Variants in TGM6 observed in about 807,000 individuals in gnomAD.
The protein encoded by TGM6 is protein-glutamine gamma-glutamyltransferase 6.
In TGM6, 74 loss-of-function variants were observed where a neutral mutation model predicts 77.5. The observed-to-expected ratio is 0.96, with a 90% CI of 0.79 to 1.16. TGM6 has a LOEUF of 1.16. TGM6 is among the 50% of genes most tolerant of loss of function. The pLI, the probability that TGM6 is intolerant of heterozygous loss-of-function variation, is 0.00. For synonymous variants in TGM6, 383 were observed against 378.9 expected, an observed-to-expected ratio of 1.01 and a Z score of -0.12; for missense variants, 968 against 940.2, an observed-to-expected ratio of 1.03 and a Z score of -0.39.
chr20:2,388,855 G>A (rs2422768), intron 1 of TGM6, among the ~76,000 whole-genome samples: 117,874 of 152,200 alleles, frequency 0.77, 46,178 homozygotes, highest in African/African-American at 0.83. Flanking sequence ...ATAAGATACA[G>A]CCAAGAGTTG....
At chr20:2,394,744 G>A in intron 2 of TGM6, 119 bp downstream of exon 2, 1 of 1,209,548 alleles carries the variant, frequency 8.3e-7, no homozygotes, top group South Asian at 1.3e-5. Flanking sequence ...AGTCACTGTA[G>A]GTAGACGGAG....
chr20:2,403,361 C>T (rs1387612853), intron 7 of TGM6, 36 bp from the exon 8 acceptor site: 1 of 1,612,196 alleles, frequency 6.2e-7, no homozygotes, highest in Admixed American at 1.7e-5. Flanking sequence ...TATGCCCTCA[C>T]TCTAGGCAGC....
In TGM6 at chr20:2,406,850, A is replaced by C. The variant is rs1442093888; in HGVS notation, c.1336+3027A>C. ...ACTCCTCAAAAAAAAAAAAAAAAAAAAAAAAAAAAAAAAAAACCATGGCCA... is the reference window on the plus strand; with the variant it reads ...ACTCCTCAAAAAAAAAAAAAAAAAACAAAAAAAAAAAAAAAACCATGGCCA... On this transcript the variant is annotated intron_variant, in intron 9 of 12. Coordinates refer to ENST00000202625, the MANE Select transcript of TGM6 (RefSeq NM_198994.3). Among the ~76,000 whole-genome samples the C allele has an allele frequency of 1.4e-3, 208 of 147,054 alleles. 11 individuals are homozygous for C. The highest frequency in any genetic ancestry group is 7.8e-3 in the East Asian group (40 of 5,118).
At position 2,384,106 on chromosome 20, in the gene TGM6, CAAAAAA is replaced by C. The variant is rs35843804; in HGVS notation, c.7+3147_7+3152del. On this transcript the variant is annotated intron_variant, in intron 1 of 12. Transcript: ENST00000202625. ...TGGGCGACAGAGTGAGACTCCGTCTCAAAAAAAAAAAAAAAAAAAAATCCCTGTTCG... is the reference window on the plus strand; with the variant it reads ...TGGGCGACAGAGTGAGACTCCGTCTCAAAAAAAAAAAAAAATCCCTGTTCG... 9.5e-5 allele frequency among the ~76,000 whole-genome samples: 8 copies of C among 84,614 alleles called. No homozygotes were observed. In the South Asian group the frequency reaches 2.8e-3, roughly 30 times the overall value. The allele number at this position is 84,614 out of a possible 152,430, so 55.5% of individuals were successfully genotyped here.
Position 2,390,445 on chromosome 20 carries a change from C to G in TGM6, c.8-4007C>G, listed in dbSNP as rs182946700. On this transcript the variant is annotated intron_variant, in intron 1 of 12. Coordinates refer to ENST00000202625, the MANE Select transcript of TGM6 (RefSeq NM_198994.3). ...AGCCAGGATGCCCACAGACTCCACT[C>G]CAGCCCTTGCTTGTTTGTGTGCCCT... Among the ~76,000 whole-genome samples, 276 of 152,332 alleles carry G rather than the reference C, an allele frequency of 1.8e-3. 2 individuals carry two copies. Among genetic ancestry groups the G allele is most frequent in the Non-Finnish European group, 9.1e-4 (62 of 68,022 alleles).
At chr20:2,406,571 C>A (rs2084751850) in intron 9 of TGM6, among the ~76,000 whole-genome samples, 1 of 151,384 alleles carries the variant, frequency 6.6e-6, no homozygotes, top group African/African-American at 2.4e-5. Flanking sequence ...TGCAGTGGCT[C>A]ACACCTATAA....
chr20:2,425,581 A>C (rs948243665), intron 10 of TGM6, among the ~76,000 whole-genome samples: 1 of 152,140 alleles, frequency 6.6e-6, no homozygotes, highest in African/African-American at 2.4e-5. Context: ...GTAAATCTTA[A>C]AGGTACCTGA....
At chr20:2,400,838 C>T (rs1486745529) in intron 7 of TGM6, among the ~76,000 whole-genome samples, 2 of 152,082 alleles carry the variant, frequency 1.3e-5, no homozygotes, top group Non-Finnish European at 1.5e-5. Flanking sequence ...GAAACAGACT[C>T]CTTCCTTAGC....
chr20:2,401,127 C>T (rs2084706144), intron 7 of TGM6, among the ~76,000 whole-genome samples: 1 of 152,062 alleles, frequency 6.6e-6, no homozygotes, highest in African/African-American at 2.4e-5. Flanking sequence ...ATCGCTTGAA[C>T]CTGGAAGGCA....
In TGM6 at chr20:2,403,416, G is replaced by A. The variant is rs1452133326; in HGVS notation, c.1009G>A (p.Glu337Lys). The A allele has an allele frequency of 1.9e-6, 3 of 1,614,074 alleles. No homozygotes were observed. The East Asian group carries it at 6.7e-5, about 36-fold the overall frequency. ...DSMWNFHVWN[E>K]SWFARQDLGP... Reference sequence around the variant, plus strand: ...TGGCAGGAATTTCCATGTCTGGAATGAGAGCTGGTTTGCCCGGCAGGACCT... The same window carrying A: ...TGGCAGGAATTTCCATGTCTGGAATAAGAGCTGGTTTGCCCGGCAGGACCT... The change falls in exon 8 of 13, where the codon GAG becomes AAG. Residue 337 changes from glutamate (E) to lysine (K), a missense_variant. Transcript: ENST00000202625.
intron 10 of TGM6, among the ~76,000 whole-genome samples, chr20:2,428,212 T>C (rs1287748861): frequency 6.6e-6 from 1 of 152,210 alleles, no homozygotes; most frequent in Non-Finnish European, 1.5e-5. Flanking sequence ...CCTGCTGTTG[T>C]TGGATGAAAT....
intron 10 of TGM6, among the ~76,000 whole-genome samples, chr20:2,429,595 C>T (rs1415005987): frequency 6.6e-6 from 1 of 151,924 alleles, no homozygotes; most frequent in South Asian, 2.1e-4. Context: ...ATGGTGAAAC[C>T]CCATCTCTAC....
chr20:2,419,001 C>A (rs928129444), intron 10 of TGM6, among the ~76,000 whole-genome samples: 12 of 152,326 alleles, frequency 7.9e-5, no homozygotes, highest in Admixed American at 5.9e-4. Flanking sequence ...CACTTGAACC[C>A]AGGAAGCGGA....
intron 1 of TGM6, 48 bp from the exon 2 acceptor site, chr20:2,394,404 G>A: frequency 6.2e-7 from 1 of 1,604,340 alleles, no homozygotes; most frequent in Non-Finnish European, 8.5e-7. Flanking sequence ...CAGAGTGGGT[G>A]AGAAACAGGA....
chr20:2,385,287 G>A (rs1331113147), intron 1 of TGM6, among the ~76,000 whole-genome samples: 7 of 152,078 alleles, frequency 4.6e-5, no homozygotes. Flanking sequence ...CAGGGAAGAG[G>A]GACAACCAGT....
intron 10 of TGM6, among the ~76,000 whole-genome samples, chr20:2,427,362 T>C (rs1443822178): frequency 6.6e-6 from 1 of 152,200 alleles, no homozygotes; most frequent in East Asian, 1.9e-4. Flanking sequence ...ATCCTTTTAA[T>C]GTCCATGGAA....
intron 1 of TGM6, among the ~76,000 whole-genome samples, chr20:2,386,056 G>A (rs2084593256): frequency 1.3e-5 from 2 of 152,100 alleles, no homozygotes; most frequent in South Asian, 2.1e-4. Context: ...TTTTGACAAG[G>A]GGCCTGGAAA....
Position 2,397,901 on chromosome 20 carries a change from G to GGAA in TGM6, c.544-17_544-16insGAA. 6.2e-7 allele frequency: 1 copy of GGAA among 1,614,116 alleles called. No homozygotes were observed. Among genetic ancestry groups the GGAA allele is most frequent in the Non-Finnish European group, 8.5e-7 (1 of 1,180,004 alleles). On this transcript the variant is annotated splice_polypyrimidine_tract_variant and intron_variant, in intron 4 of 12. Coordinates refer to ENST00000202625, the MANE Select transcript of TGM6 (RefSeq NM_198994.3). ...TGACTGAACGCAGCCTCTAAGCACA[G>GGAA]CCTCTCTGGGGAGCAGTTTGAGGAG...
chr20:2,417,528 G>C lies in TGM6; in HGVS notation c.1633G>C (p.Glu545Gln). 1.2e-6 allele frequency: 2 copies of C among 1,606,590 alleles called. No individual in the cohort carries two copies. The highest frequency in any genetic ancestry group is 1.7e-6 in the Non-Finnish European group (2 of 1,179,962). Residue 545 changes from glutamate to glutamine, a missense_variant, in exon 10 of 13, where the codon GAG becomes CAG. Coordinates refer to ENST00000202625, the MANE Select transcript of TGM6 (RefSeq NM_198994.3). ...TILYTRKPVA[E>Q]ILHESHAVRL... ...CCTCTATACCCGCAAGCCAGTGGCA[G>C]AGATCCTGCATGAATCCCACGCCGT...
Sources: allele counts gnomAD v4.1 joint callset (sites outside exome capture counted in the v4.1 genomes callset), GRCh38; gene constraint gnomAD v4.1.1; transcripts MANE v1.5; gene names NCBI Gene and HGNC (gene_info 2026-07-23, HGNC 2026-07-21).